Variants in BTLA observed in about 807,000 individuals in gnomAD.
The protein encoded by BTLA is B and T lymphocyte associated, also known as B- and T-lymphocyte attenuator.
BTLA carries 11 observed loss-of-function variants against 25.0 expected under a neutral mutation model. That is an observed-to-expected ratio of 0.44 (90% CI 0.28 to 0.73). BTLA has a LOEUF of 0.73. BTLA is among the 30% of genes least tolerant of loss of function. The pLI is 0.15. For missense variants in BTLA, 282 were observed against 332.8 expected (o/e 0.85, Z 1.19); for synonymous variants, 104 against 119.8 (o/e 0.87, Z 0.86).
At chr3:112,467,053 C>G (rs376812877) in intron 4 of BTLA, among the ~76,000 whole-genome samples, 7 of 151,860 alleles carry the variant, frequency 4.6e-5, no homozygotes, top group African/African-American at 4.8e-5. Flanking sequence ...CGCCTCCCGG[C>G]TTCACGCCAT....
chr3:112,491,014 C>G (rs893204954), intron 1 of BTLA, among the ~76,000 whole-genome samples: 3 of 152,162 alleles, frequency 2.0e-5, no homozygotes, highest in African/African-American at 7.2e-5. Flanking sequence ...ACTTTAAGCT[C>G]TGTATCTCTT....
In BTLA at chr3:112,466,016, A is replaced by G. The variant is rs2082223243; in HGVS notation, c.*92T>C. 1 of 1,351,052 alleles carries G rather than the reference A, an allele frequency of 7.4e-7. No individual in the cohort carries two copies. The highest frequency in any genetic ancestry group is 1.7e-5 in the South Asian group (1 of 57,816). 83.7% of individuals were successfully genotyped at this position (1,351,052 alleles called of 1,614,324 possible). A position where few individuals can be genotyped will look rare whatever the true frequency, so the allele number is the denominator to read the frequency against. ...ACATTTCTAAAGTAAAAATTCTCAA[A>G]TTGAGAAATATTATTTGACATCCTG... is the stretch of plus-strand genomic sequence containing the variant. On this transcript the variant is annotated 3_prime_UTR_variant, in exon 5 of 5. Transcript: ENST00000334529.
At chr3:112,496,888 C>T (rs1487363024) in intron 1 of BTLA, among the ~76,000 whole-genome samples, 1 of 152,078 alleles carries the variant, frequency 6.6e-6, no homozygotes, top group Non-Finnish European at 1.5e-5. Context: ...CCAACACACC[C>T]AGCAAATTTT....
At position 112,498,108 on chromosome 3, in the gene BTLA, C is replaced by A. The variant is rs149802932; in HGVS notation, c.88+1163G>T. The stretch of plus-strand genomic sequence containing the variant: ...GTTAAGTACAAATCTATCACTACTT[C>A]TTGCGAAAATGCTCAGGCTGCCACA... On this transcript the variant is annotated intron_variant, in intron 1 of 4. Transcript: ENST00000334529. Among the ~76,000 whole-genome samples, 595 of 152,264 alleles carry A rather than the reference C, an allele frequency of 3.9e-3. 1 individual carries two copies. Among genetic ancestry groups the A allele is most frequent in the Non-Finnish European group, 6.4e-3 (434 of 68,026 alleles).
Position 112,471,320 on chromosome 3 carries a change from C to T in BTLA, c.439G>A (p.Glu147Lys), listed in dbSNP as rs370694951. Residue 147 changes from glutamate (E) to lysine (K), a missense_variant, in exon 3 of 5, where the codon GAA (glutamate) becomes AAA (lysine). By Grantham distance (56) the Glu-to-Lys change is moderately conservative (BLOSUM62 1). Coordinates refer to ENST00000334529, the MANE Select transcript of BTLA (RefSeq NM_181780.4). ...KSASERPSKD[E>K]MASRPWLLYR... ...AGGAGCCAGGGTCTGCTTGCCATTT[C>T]GTCCTTGGAGGGTCGTTCTGAGGCA... 1.4e-4 allele frequency: 226 copies of T among 1,614,004 alleles called. No homozygotes were observed. The highest frequency in any genetic ancestry group is 2.5e-4 in the South Asian group (23 of 91,068).
chr3:112,482,476 C>T (rs2082323165), intron 1 of BTLA, among the ~76,000 whole-genome samples: 1 of 152,220 alleles, frequency 6.6e-6, no homozygotes, highest in African/African-American at 2.4e-5. Flanking sequence ...CTTATTTCTA[C>T]ACCCTTGCCA....
At chr3:112,482,203 G>A (rs183146297) in intron 1 of BTLA, among the ~76,000 whole-genome samples, 14 of 151,714 alleles carry the variant, frequency 9.2e-5, no homozygotes, top group African/African-American at 3.1e-4. Context: ...TCTATGTTTT[G>A]AACTACCGTC....
chr3:112,464,449 A>G lies in BTLA; in HGVS notation c.*1659T>C, dbSNP rs1426486090. 1 of 295,114 alleles carries G rather than the reference A, an allele frequency of 3.4e-6. No individual in the cohort carries two copies. The highest frequency in any genetic ancestry group is 6.2e-6 in the Non-Finnish European group (1 of 160,190). The allele number at this position is 295,114 out of a possible 1,614,324, so 18.3% of individuals were successfully genotyped here. On this transcript the variant is annotated 3_prime_UTR_variant, in exon 5 of 5. Coordinates refer to ENST00000334529, the MANE Select transcript of BTLA (RefSeq NM_181780.4). ...TATTCTAACATGTCTTTCTTACATA[A>G]GTTGTCCACAAATGCAGCCTGGCTA... is the stretch of plus-strand genomic sequence containing the variant.
intron 1 of BTLA, among the ~76,000 whole-genome samples, chr3:112,482,811 A>G (rs149155734): frequency 9.1e-4 from 138 of 152,340 alleles, no homozygotes; most frequent in South Asian, 1.7e-3. Flanking sequence ...AAAAATGAAG[A>G]GAAAGGGTAA....
At chr3:112,467,395 T>C (rs1362915047) in intron 4 of BTLA, among the ~76,000 whole-genome samples, 2 of 152,238 alleles carry the variant, frequency 1.3e-5, no homozygotes, top group African/African-American at 4.8e-5. Flanking sequence ...CTCCTACCTA[T>C]ACAAAGGTTC....
At chr3:112,471,471 T>C in intron 2 of BTLA, 116 bp from the exon 3 acceptor site, 1 of 1,155,658 alleles carries the variant, frequency 8.7e-7, no homozygotes, top group Non-Finnish European at 1.2e-6. Context: ...AATGCCTCCA[T>C]TTCCCCTTCA....
Position 112,464,312 on chromosome 3 carries a change from TGA to T in BTLA, c.*1794_*1795del, listed in dbSNP as rs2082213254. On this transcript the variant is annotated 3_prime_UTR_variant, in exon 5 of 5. Transcript: ENST00000334529. ...GACAGAAATATTTTGCTTTTAAGTT[TGA>T]GAGAATCATGAAGGAACTGTTCAAT... is the stretch of plus-strand genomic sequence containing the variant. 1 of 392,206 alleles carries T rather than the reference TGA, an allele frequency of 2.5e-6. No homozygotes were observed. The highest frequency in any genetic ancestry group is 2.1e-5 in the African/African-American group (1 of 48,500). 24.3% of individuals were successfully genotyped at this position (392,206 alleles called of 1,614,324 possible). A position where few individuals can be genotyped will look rare whatever the true frequency, so the allele number is the denominator to read the frequency against.
intron 1 of BTLA, among the ~76,000 whole-genome samples, chr3:112,486,102 G>A (rs569661413): frequency 1.4e-4 from 22 of 152,350 alleles, no homozygotes; most frequent in African/African-American, 5.1e-4. Flanking sequence ...GGGTGACAGA[G>A]CGAGAGTCCA....
At chr3:112,468,981 C>T (rs955679688) in intron 4 of BTLA, among the ~76,000 whole-genome samples, 1 of 152,106 alleles carries the variant, frequency 6.6e-6, no homozygotes, top group Non-Finnish European at 1.5e-5. Flanking sequence ...TATCACTATT[C>T]CTCCTTATTG....
At chr3:112,493,971 G>A (rs1006085010) in intron 1 of BTLA, among the ~76,000 whole-genome samples, 13 of 152,284 alleles carry the variant, frequency 8.5e-5, no homozygotes, top group Admixed American at 4.6e-4. Context: ...TTAGCCAGGC[G>A]TGGTGGCAGC....
intron 1 of BTLA, among the ~76,000 whole-genome samples, chr3:112,498,625 A>G (rs1014121769): frequency 7.6e-6 from 1 of 130,730 alleles, no homozygotes; most frequent in South Asian, 2.3e-4. Context: ...GTGGCTAAAT[A>G]TCATCTTTGC....
At chr3:112,498,406 C>G (rs1216792336) in intron 1 of BTLA, among the ~76,000 whole-genome samples, 2 of 151,866 alleles carry the variant, frequency 1.3e-5, no homozygotes, top group Admixed American at 1.3e-4. Context: ...GCACTCCAGC[C>G]TGGGTGACGA....
In BTLA at chr3:112,464,408, G is replaced by C. The variant is rs2082213897; in HGVS notation, c.*1700C>G. 1 of 353,464 alleles carries C rather than the reference G, an allele frequency of 2.8e-6. No homozygotes were observed. The highest frequency in any genetic ancestry group is 2.1e-5 in the African/African-American group (1 of 47,800). 21.9% of individuals were successfully genotyped at this position (353,464 alleles called of 1,614,324 possible). On this transcript the variant is annotated 3_prime_UTR_variant, in exon 5 of 5. Transcript: ENST00000334529. ...CCATATTTCCTGTTTCTATTTTTAAGAATACCACAAGCAGCTATTCTAACA... is the reference window on the plus strand; with the variant it reads ...CCATATTTCCTGTTTCTATTTTTAACAATACCACAAGCAGCTATTCTAACA...
chr3:112,479,457 G>A lies in BTLA; in HGVS notation c.401C>T (p.Thr134Ile). ...IESHSTTLYVTDVKSASERPS... is the reference protein window; with the variant it reads ...IESHSTTLYVIDVKSASERPS... ...TGGTCTAGGTGTTGAGAACTCACCT[G>A]TCACATAAAGAGTTGTTGAGTGGCT... Residue 134 changes from threonine (T) to isoleucine (I), a missense_variant and splice_region_variant, in exon 2 of 5, where the codon ACA becomes ATA. Physicochemically the swap from Thr to Ile is moderately conservative, Grantham distance 89. Transcript: ENST00000334529. 6.2e-7 allele frequency: 1 copy of A among 1,606,974 alleles called. No individual in the cohort carries two copies. Among genetic ancestry groups the A allele is most frequent in the Non-Finnish European group, 8.5e-7 (1 of 1,175,152 alleles).
Sources: gnomAD v4.1 joint callset for allele counts (sites outside exome capture counted in the v4.1 genomes callset) on GRCh38, gnomAD v4.1.1 for gene constraint, MANE v1.5 for transcripts, NCBI Gene and HGNC (gene_info 2026-07-23, HGNC 2026-07-21) for gene names.